UBTD2: variants seen among roughly 807,000 people sequenced by gnomAD.
The protein encoded by UBTD2 is ubiquitin domain-containing protein 2.
Under a neutral mutation model 19.8 loss-of-function variants are expected in UBTD2, and 9 were observed. The observed-to-expected ratio is 0.46, with a 90% CI of 0.27 to 0.79. UBTD2 has a LOEUF of 0.79. Among genes scored for constraint, UBTD2 ranks in the 30% least tolerant of loss-of-function variants. UBTD2 has a pLI of 0.14. For missense variants in UBTD2, 250 were observed against 300.4 expected, an observed-to-expected ratio of 0.83 and a Z score of 1.24; for synonymous variants, 98 against 103.9, an observed-to-expected ratio of 0.94 and a Z score of 0.35.
chr5:172,255,180 T>C (rs972084373), intron 1 of UBTD2: 20 of 456,832 alleles, frequency 4.4e-5, no homozygotes, highest in Non-Finnish European at 6.9e-5. Context: ...GGTGTGAGGA[T>C]AGGAACTTGA....
Position 172,283,433 on chromosome 5 carries a change from C to A in UBTD2, c.70+163G>T, listed in dbSNP as rs562258299. The stretch of plus-strand genomic sequence containing the variant: ...GGGCTGGGGCGGGAAGGGGCGACCC[C>A]CGCGGCTGGCAGGACAGCCGGAAGC... On this transcript the variant is annotated intron_variant, in intron 1 of 2. Coordinates refer to ENST00000393792, the MANE Select transcript of UBTD2 (RefSeq NM_152277.3). This position sits in a 1 kb window ranked among gnomAD's most constrained non-coding sequence, Gnocchi z 4.3. 6.6e-6 allele frequency among the ~76,000 whole-genome samples: 1 copy of A among 152,232 alleles called. No homozygotes were observed. The highest frequency in any genetic ancestry group is 1.9e-4 in the East Asian group (1 of 5,146).
At chr5:172,262,461 A>AC (rs1755288752) in intron 1 of UBTD2, among the ~76,000 whole-genome samples, 1 of 151,166 alleles carries the variant, frequency 6.6e-6, no homozygotes, top group African/African-American at 2.4e-5. Flanking sequence ...AAAAAAAAAA[A>AC]AAAAAAACAA....
At chr5:172,216,282 C>G (rs549019065) in intron 2 of UBTD2, among the ~76,000 whole-genome samples, 1 of 151,870 alleles carries the variant, frequency 6.6e-6, no homozygotes, top group Non-Finnish European at 1.5e-5. Context: ...GTGGGACAAA[C>G]CAAAGTGTAA....
In UBTD2 at chr5:172,283,671, C is replaced by A. The variant is rs549097448; in HGVS notation, c.-6G>T. 1.8e-4 allele frequency: 220 copies of A among 1,231,494 alleles called. 1 individual carries two copies. The African/African-American group carries it at 3.0e-3, about 17-fold the overall frequency. 76.3% of individuals were successfully genotyped at this position (1,231,494 alleles called of 1,614,324 possible). ...GCGCCCACACACCCGCCCATGGGGG[C>A]CCCCGGCGCCTCGTCCGCCACCTCC... On this transcript the variant is annotated 5_prime_UTR_variant, in exon 1 of 3. Coordinates refer to ENST00000393792, the MANE Select transcript of UBTD2 (RefSeq NM_152277.3). This position sits in a 1 kb window ranked among gnomAD's most constrained non-coding sequence, Gnocchi z 4.3.
At chr5:172,280,247 CTGTAATCCCAACACT>C (rs1426969880) in intron 1 of UBTD2, among the ~76,000 whole-genome samples, 6 of 151,864 alleles carry the variant, frequency 4.0e-5, no homozygotes, top group African/African-American at 1.5e-4. Flanking sequence ...TCGCTCACAC[CTGTAATCCCAACACT>C]TTGGGAAGCA....
chr5:172,237,904 A>G (rs2339365), intron 1 of UBTD2, among the ~76,000 whole-genome samples: 45,731 of 152,156 alleles, frequency 0.3, 7,004 homozygotes, highest in South Asian at 0.42. Context: ...TCTTCTTTTC[A>G]TAACTTCCCA....
chr5:172,230,005 T>TGTCTGTGC (rs1392791466), intron 2 of UBTD2, among the ~76,000 whole-genome samples: 3 of 152,170 alleles, frequency 2.0e-5, no homozygotes, highest in Non-Finnish European at 4.4e-5. Context: ...CAATGAGTAA[T>TGTCTGTGC]AACATGCTGT....
At chr5:172,240,355 C>T (rs1291466260) in intron 1 of UBTD2, among the ~76,000 whole-genome samples, 1 of 152,098 alleles carries the variant, frequency 6.6e-6, no homozygotes, top group African/African-American at 2.4e-5. Context: ...CATCATTTTC[C>T]GTACTATAAT....
intron 1 of UBTD2, among the ~76,000 whole-genome samples, chr5:172,261,649 G>T (rs926386282): frequency 6.6e-6 from 1 of 151,468 alleles, no homozygotes; most frequent in African/African-American, 2.4e-5. Flanking sequence ...TTTTGAGATG[G>T]AGTCTCACTC....
intron 1 of UBTD2, among the ~76,000 whole-genome samples, chr5:172,281,371 A>C (rs1224799451): frequency 1.3e-5 from 2 of 152,146 alleles, no homozygotes; most frequent in Non-Finnish European, 2.9e-5. Context: ...GGTGGCATGC[A>C]CCTCGTGGTC....
chr5:172,249,256 G>A (rs906737669), intron 1 of UBTD2, among the ~76,000 whole-genome samples: 2 of 151,664 alleles, frequency 1.3e-5, no homozygotes, highest in Non-Finnish European at 2.9e-5. Context: ...AAAATTAGCT[G>A]AGCGTGGTGG....
At chr5:172,250,933 CAAAAAAAAAAAAA>C (rs56280728) in intron 1 of UBTD2, among the ~76,000 whole-genome samples, 4 of 43,948 alleles carry the variant, frequency 9.1e-5, no homozygotes, top group East Asian at 1.4e-3. Context: ...GACCCTGTCT[CAAAAAAAAAAAAA>C]AAAAAAAAAA....
At chr5:172,248,524 G>A (rs1178004063) in intron 1 of UBTD2, among the ~76,000 whole-genome samples, 1 of 151,870 alleles carries the variant, frequency 6.6e-6, no homozygotes, top group Non-Finnish European at 1.5e-5. Context: ...GGAGGCGAAG[G>A]TTGCAGTGAG....
At chr5:172,217,826 A>C (rs12655315) in intron 2 of UBTD2, among the ~76,000 whole-genome samples, 46,954 of 151,944 alleles carry the variant, frequency 0.31, 7,421 homozygotes, top group South Asian at 0.42. Flanking sequence ...ACCTAACCGC[A>C]CAGCAAAGTA....
At chr5:172,271,273 A>T (rs1485601227) in intron 1 of UBTD2, among the ~76,000 whole-genome samples, 2 of 151,912 alleles carry the variant, frequency 1.3e-5, no homozygotes, top group African/African-American at 4.8e-5. Context: ...TACTAAAAAT[A>T]AAAAAATTAG....
chr5:172,256,263 A>G (rs76655311), intron 1 of UBTD2, among the ~76,000 whole-genome samples: 1,867 of 152,264 alleles, frequency 0.012, 16 homozygotes, highest in Non-Finnish European at 0.019. Context: ...AAGCACTTTA[A>G]ATTTCTCTGA....
At chr5:172,265,146 AAC>A (rs932685057) in intron 1 of UBTD2, among the ~76,000 whole-genome samples, 3 of 152,186 alleles carry the variant, frequency 2.0e-5, no homozygotes, top group African/African-American at 7.2e-5. Flanking sequence ...AAAATACACA[AAC>A]ACAAAATAAG....
At chr5:172,217,421 A>G in intron 2 of UBTD2, among the ~76,000 whole-genome samples, 1 of 66,688 alleles carries the variant, frequency 1.5e-5, no homozygotes, top group African/African-American at 5.9e-5. Flanking sequence ...TCTGTCTCAA[A>G]AAAAAAAAAA....
At chr5:172,243,418 G>GAT (rs1396251498) in intron 1 of UBTD2, among the ~76,000 whole-genome samples, 1 of 152,050 alleles carries the variant, frequency 6.6e-6, no homozygotes, top group Non-Finnish European at 1.5e-5. Context: ...AGAGAAGAGA[G>GAT]ATGATTTTTC....
Sources: gnomAD v4.1 joint callset for allele counts (sites outside exome capture counted in the v4.1 genomes callset) on GRCh38, gnomAD v4.1.1 for gene constraint, Gnocchi (gnomAD v3.1) non-coding constraint, MANE v1.5 for transcripts, NCBI Gene and HGNC (gene_info 2026-07-23, HGNC 2026-07-21) for gene names.